PCDH15: variants seen among roughly 807,000 people sequenced by gnomAD.
PCDH15 encodes the protein protocadherin related 15, also known as protocadherin-15.
Under a neutral mutation model 178.5 loss-of-function variants are expected in PCDH15, and 129 were observed. The observed-to-expected ratio is 0.72, with a 90% CI of 0.63 to 0.84. PCDH15 has a LOEUF of 0.84. Ranked by LOEUF, PCDH15 falls within the 40% of genes least tolerant of loss-of-function variation. The pLI is 0.00. For missense variants in PCDH15, 2,230 were observed against 2,099.9 expected (o/e 1.06, Z -1.21); for synonymous variants, 800 against 732.0 (o/e 1.09, Z -1.50).
At chr10:54,847,435 T>C (rs1423034172) in intron 3 of PCDH15, among the ~76,000 whole-genome samples, 1 of 152,160 alleles carries the variant, frequency 6.6e-6, no homozygotes, top group Admixed American at 6.5e-5. Flanking sequence ...TTTATCTTAT[T>C]TTTCCCATTA....
intron 1 of PCDH15, among the ~76,000 whole-genome samples, chr10:55,303,654 G>A (rs1843346454): frequency 6.6e-6 from 1 of 152,054 alleles, no homozygotes; most frequent in Admixed American, 6.6e-5. Context: ...TTTTTTGGTA[G>A]AAATAGGTGT....
At chr10:54,779,591 TATGTG>T (rs1333903196) in intron 1 of PCDH15, among the ~76,000 whole-genome samples, 1 of 149,546 alleles carries the variant, frequency 6.7e-6, no homozygotes, top group Non-Finnish European at 1.5e-5. Context: ...TCTTTCCTAC[TATGTG>T]ATGCTCCGGG....
intron 10 of PCDH15, among the ~76,000 whole-genome samples, chr10:54,199,570 C>CAATAATAATAATAATAATAATAAT (rs68082093): frequency 7.0e-6 from 1 of 142,540 alleles, no homozygotes; most frequent in Non-Finnish European, 1.5e-5. Context: ...ACAACAACAA[C>CAATAATAATAATAATAATAATAAT]AATAATAATA....
At chr10:55,549,940 T>C (rs565215007) in intron 2 of PCDH15, among the ~76,000 whole-genome samples, 10 of 152,246 alleles carry the variant, frequency 6.6e-5, no homozygotes, top group South Asian at 4.1e-4. Context: ...GGTGTGTGTG[T>C]GCGCATGCGT....
intron 3 of PCDH15, among the ~76,000 whole-genome samples, chr10:54,509,474 TCA>T (rs1007574366): frequency 2.0e-5 from 3 of 152,142 alleles, no homozygotes; most frequent in African/African-American, 7.2e-5. Flanking sequence ...TTTTCTGAAT[TCA>T]CAGTGTTCTT....
chr10:53,842,780 A>C (rs12263108), intron 28 of PCDH15, among the ~76,000 whole-genome samples: 38,051 of 152,090 alleles, frequency 0.25, 6,009 homozygotes, highest in East Asian at 0.75. Flanking sequence ...CACTAGTATA[A>C]TCAATCAGTT....
At chr10:54,443,859 A>G (rs1271566659) in intron 3 of PCDH15, among the ~76,000 whole-genome samples, 1 of 151,548 alleles carries the variant, frequency 6.6e-6, no homozygotes, top group Non-Finnish European at 1.5e-5. Flanking sequence ...CCAGCTCATA[A>G]TTTCTGTAAC....
Position 53,822,123 on chromosome 10 carries a change from G to A in PCDH15, c.4368-1893C>T, listed in dbSNP as rs191736346. ...CTGAGGGTCTGTTTTACACACTGTC[G>A]TTGTTGATAGCTGTGTCATAGAGGA... On this transcript the variant is annotated intron_variant, in intron 32 of 37. Transcript: ENST00000644397. 1,115 of 1,597,172 alleles carry A rather than the reference G, an allele frequency of 7.0e-4. 5 individuals are homozygous for A. The African/African-American group carries it at 0.014, about 20-fold the overall frequency.
chr10:55,572,060 G>T (rs539974060), intron 2 of PCDH15, among the ~76,000 whole-genome samples: 1 of 152,128 alleles, frequency 6.6e-6, no homozygotes, highest in South Asian at 2.1e-4. Flanking sequence ...CCCAAGGAAT[G>T]ATTATCAGAC....
chr10:54,117,274 T>G (rs78481531), intron 15 of PCDH15, among the ~76,000 whole-genome samples: 3 of 75,540 alleles, frequency 4.0e-5, no homozygotes, highest in East Asian at 5.0e-4. Flanking sequence ...GGTGCCAGTA[T>G]AGGAGGAAGG....
At chr10:54,101,968 T>C (rs1049835018) in intron 15 of PCDH15, among the ~76,000 whole-genome samples, 1 of 151,996 alleles carries the variant, frequency 6.6e-6, no homozygotes, top group Non-Finnish European at 1.5e-5. Context: ...GAGTGAGACC[T>C]TGTCTCAAAA....
chr10:53,974,781 A>T (rs573929165), intron 21 of PCDH15, among the ~76,000 whole-genome samples: 144 of 151,370 alleles, frequency 9.5e-4, no homozygotes, highest in African/African-American at 3.3e-3. Flanking sequence ...TTTTTTTTTT[A>T]AATTTCAACT....
intron 3 of PCDH15, among the ~76,000 whole-genome samples, 199 bp downstream of exon 3, chr10:54,527,613 A>G (rs1192521203): frequency 6.6e-6 from 1 of 152,120 alleles, no homozygotes; most frequent in African/African-American, 2.4e-5. Flanking sequence ...TATTAATTGA[A>G]TGAGACTTTT....
chr10:53,943,391 G>A (rs2086241627), intron 23 of PCDH15, among the ~76,000 whole-genome samples: 1 of 151,898 alleles, frequency 6.6e-6, no homozygotes, highest in African/African-American at 2.4e-5. Flanking sequence ...CATGAGAATT[G>A]CTTGAACCTG....
At chr10:55,168,559 T>A (rs1272184556) in intron 1 of PCDH15, among the ~76,000 whole-genome samples, 2 of 152,144 alleles carry the variant, frequency 1.3e-5, no homozygotes, top group East Asian at 3.9e-4. Context: ...AACCTTCAAT[T>A]AGCCTCATTC....
chr10:55,251,239 T>C (rs1231942802), intron 1 of PCDH15, among the ~76,000 whole-genome samples: 1 of 152,168 alleles, frequency 6.6e-6, no homozygotes, highest in African/African-American at 2.4e-5. Flanking sequence ...ATTTGTATCA[T>C]ATATGTAGAT....
At position 54,983,600 on chromosome 10, in the gene PCDH15, T is replaced by C. The variant is rs184904988; in HGVS notation, c.-79-86100A>G. Among the ~76,000 whole-genome samples, 214 of 152,242 alleles carry C rather than the reference T, an allele frequency of 1.4e-3. 1 individual carries two copies. The highest frequency in any genetic ancestry group is 5.0e-3 in the African/African-American group (208 of 41,544). On this transcript the variant is annotated intron_variant, in intron 2 of 5. Transcript: ENST00000458638. ...TTAATTTAATTTCTATCCCAAAGTTTCTCAGTAAGAGTCTGAACCTATTGT... is the reference window on the plus strand; with the variant it reads ...TTAATTTAATTTCTATCCCAAAGTTCCTCAGTAAGAGTCTGAACCTATTGT...
At chr10:54,470,028 A>C (rs1187712235) in intron 3 of PCDH15, among the ~76,000 whole-genome samples, 2 of 152,028 alleles carry the variant, frequency 1.3e-5, no homozygotes, top group Non-Finnish European at 2.9e-5. Context: ...TGCACTCAGG[A>C]GGGTAGAGCT....
chr10:54,019,238 A>G (rs933682551), intron 20 of PCDH15, among the ~76,000 whole-genome samples: 1 of 152,138 alleles, frequency 6.6e-6, no homozygotes, highest in African/African-American at 2.4e-5. Context: ...ATGATAGTGA[A>G]TGAACTTTTA....
Sources: gnomAD v4.1 joint callset for allele counts (sites outside exome capture counted in the v4.1 genomes callset) on GRCh38, gnomAD v4.1.1 for gene constraint, MANE v1.5 for transcripts, NCBI Gene and HGNC (gene_info 2026-07-23, HGNC 2026-07-21) for gene names.